KALRN: variants seen among roughly 807,000 people sequenced by gnomAD.
The protein encoded by KALRN is kalirin RhoGEF kinase, also known as kalirin.
Under a neutral mutation model 353.7 loss-of-function variants are expected in KALRN, and 70 were observed. The ratio of observed to expected loss-of-function variants is 0.20; its 90% confidence interval spans 0.16 to 0.24. KALRN has a LOEUF of 0.24. Among genes scored for constraint, KALRN ranks in the 10% least tolerant of loss-of-function variants. The pLI, the probability that KALRN is intolerant of heterozygous loss-of-function variation, is 1.00. For missense variants in KALRN, 2,791 were observed against 3,756.7 expected (o/e 0.74, Z 6.72); for synonymous variants, 1,391 against 1,434.8 (o/e 0.97, Z 0.69).
chr3:124,281,811 C>T (rs1484749826), intron 5 of KALRN, among the ~76,000 whole-genome samples: 1 of 152,162 alleles, frequency 6.6e-6, no homozygotes, highest in Non-Finnish European at 1.5e-5. Context: ...CTGTGTTGAC[C>T]AGAGATACTT....
intron 33 of KALRN, among the ~76,000 whole-genome samples, chr3:124,497,665 A>G (rs2064015799): frequency 1.3e-5 from 2 of 152,234 alleles, no homozygotes; most frequent in African/African-American, 4.8e-5. Flanking sequence ...GAAAACATAC[A>G]ATGAAAAACC....
intron 53 of KALRN, among the ~76,000 whole-genome samples, chr3:124,695,405 CA>C (rs964212581): frequency 4.6e-5 from 7 of 152,180 alleles, no homozygotes; most frequent in African/African-American, 1.7e-4. Context: ...AGAAGACCAT[CA>C]TTCCTTGGTA....
chr3:124,149,848 G>A (rs2067853904), intron 1 of KALRN, among the ~76,000 whole-genome samples: 1 of 152,246 alleles, frequency 6.6e-6, no homozygotes, highest in African/African-American at 2.4e-5. Flanking sequence ...ACACACGGCA[G>A]AGTAGGGAAA....
rs547548147 is a variant in KALRN at position 124,150,947 on chromosome 3, A to G, written c.74-77043A>G. On this transcript the variant is annotated intron_variant, in intron 1 of 59. Coordinates refer to ENST00000682506, the MANE Select transcript of KALRN (RefSeq NM_001388419.1). ...TAGTTTGCCTGTTTTGAAACTTGGT[A>G]TATGTAGAATCCTAAAATACACACT... Among the ~76,000 whole-genome samples the G allele has an allele frequency of 6.6e-5, 10 of 152,334 alleles. No homozygotes were observed. The South Asian group carries it at 1.7e-3, about 25-fold the overall frequency.
intron 1 of KALRN, among the ~76,000 whole-genome samples, chr3:124,108,400 G>A (rs1053712156): frequency 6.6e-6 from 1 of 152,138 alleles, no homozygotes; most frequent in Non-Finnish European, 1.5e-5. Flanking sequence ...ACTTTTCTGA[G>A]TCTCAGTTTC....
chr3:124,377,181 A>G (rs538641530), intron 10 of KALRN, among the ~76,000 whole-genome samples: 4 of 152,322 alleles, frequency 2.6e-5, no homozygotes, highest in Non-Finnish European at 4.4e-5. Flanking sequence ...TCATTTGTAA[A>G]ATGAAATTAA....
At chr3:124,034,467 A>G (rs959445458) in intron 1 of KALRN, among the ~76,000 whole-genome samples, 1 of 152,144 alleles carries the variant, frequency 6.6e-6, no homozygotes, top group African/African-American at 2.4e-5. Context: ...AGCTATTCAT[A>G]AGAATTACTC....
chr3:124,530,906 G>A (rs2067990610), intron 33 of KALRN, among the ~76,000 whole-genome samples: 1 of 152,162 alleles, frequency 6.6e-6, no homozygotes, highest in Admixed American at 6.6e-5. Flanking sequence ...GTTGGGATAA[G>A]CCAAGTTTTG....
intron 34 of KALRN, among the ~76,000 whole-genome samples, chr3:124,580,013 A>G (rs1344861714): frequency 6.6e-6 from 1 of 152,206 alleles, no homozygotes; most frequent in East Asian, 1.9e-4. Context: ...GTGCTGTTAC[A>G]AAAAGAAGAG....
chr3:124,575,245 A>G (rs189026383), intron 34 of KALRN, among the ~76,000 whole-genome samples: 43 of 152,272 alleles, frequency 2.8e-4, no homozygotes, highest in African/African-American at 9.6e-4. Context: ...TACTTTCCAC[A>G]TGGGCCTCTA....
chr3:124,701,968 T>G (rs2062362742), intron 56 of KALRN, 70 bp from the exon 57 acceptor site: 2 of 1,241,680 alleles, frequency 1.6e-6, no homozygotes, highest in Admixed American at 3.4e-5. Flanking sequence ...TCTGGAGCTT[T>G]TCTGTTAATT....
At chr3:124,209,297 G>A (rs2076694542) in intron 1 of KALRN, among the ~76,000 whole-genome samples, 1 of 151,786 alleles carries the variant, frequency 6.6e-6, no homozygotes, top group African/African-American at 2.4e-5. Context: ...CTGAGCTCAG[G>A]AGTTAGAGAC....
intron 1 of KALRN, among the ~76,000 whole-genome samples, chr3:124,179,458 A>G (rs890498730): frequency 7.2e-5 from 11 of 152,258 alleles, no homozygotes; most frequent in Non-Finnish European, 1.5e-4. Flanking sequence ...GCTTCCATCT[A>G]GAATACTTCC....
chr3:124,474,631 G>T (rs150533301), intron 25 of KALRN, 32 bp from the exon 26 acceptor site: 2 of 1,583,514 alleles, frequency 1.3e-6, no homozygotes, highest in East Asian at 2.2e-5. Flanking sequence ...CTGCACAGAG[G>T]TGTCTGATTC....
chr3:124,092,838 G>T (rs1417662442), intron 1 of KALRN, among the ~76,000 whole-genome samples: 1 of 152,214 alleles, frequency 6.6e-6, no homozygotes, highest in South Asian at 2.1e-4. Flanking sequence ...AGTTATGAAA[G>T]TACTTTGTGA....
At chr3:124,138,375 G>GT (rs1231982088) in intron 1 of KALRN, among the ~76,000 whole-genome samples, 1 of 152,168 alleles carries the variant, frequency 6.6e-6, no homozygotes, top group African/African-American at 2.4e-5. Context: ...TCCACCAGTG[G>GT]TATCACCCAC....
At chr3:124,619,778 C>T (rs774316169) in intron 34 of KALRN, among the ~76,000 whole-genome samples, 4 of 152,046 alleles carry the variant, frequency 2.6e-5, no homozygotes, top group Non-Finnish European at 5.9e-5. Context: ...TGAGCCACTG[C>T]GCCCAGCCTG....
In KALRN at chr3:124,182,671, C is replaced by T. The variant is rs572423402; in HGVS notation, c.74-45319C>T. On this transcript the variant is annotated intron_variant, in intron 1 of 59. Coordinates refer to ENST00000682506, the MANE Select transcript of KALRN (RefSeq NM_001388419.1). ...ATCATTGGGGGCCTCCCCAGAGTCTCCTTGCCACAGGCAGGGAGTATTAAC... is the reference window on the plus strand; with the variant it reads ...ATCATTGGGGGCCTCCCCAGAGTCTTCTTGCCACAGGCAGGGAGTATTAAC... Among the ~76,000 whole-genome samples the T allele has an allele frequency of 2.0e-5, 3 of 152,264 alleles. No individual in the cohort carries two copies. The South Asian group carries it at 6.2e-4, about 32-fold the overall frequency.
At chr3:124,099,093 G>T (rs899024391) in intron 1 of KALRN, among the ~76,000 whole-genome samples, 1 of 152,152 alleles carries the variant, frequency 6.6e-6, no homozygotes, top group Admixed American at 6.5e-5. Context: ...CACCTCGAAC[G>T]TTTCTTATTT....
Sources: gnomAD v4.1 joint callset for allele counts (sites outside exome capture counted in the v4.1 genomes callset) on GRCh38, gnomAD v4.1.1 for gene constraint, MANE v1.5 for transcripts, NCBI Gene and HGNC (gene_info 2026-07-23, HGNC 2026-07-21) for gene names.